Variants in SMYD1 observed in about 807,000 individuals in gnomAD.
SMYD1 encodes the protein SET and MYND domain containing 1.
SMYD1 carries 49 observed loss-of-function variants against 54.0 expected under a neutral mutation model. The ratio of observed to expected loss-of-function variants is 0.91; its 90% CI spans 0.72 to 1.15. SMYD1 has a LOEUF of 1.15. Among genes scored for constraint, SMYD1 ranks in the 50% most tolerant of loss-of-function variants. The pLI is 0.00. For synonymous variants in SMYD1, 269 were observed against 234.2 expected (o/e 1.15, Z -1.36); for missense variants, 653 against 639.6 (o/e 1.02, Z -0.23).
In SMYD1 at chr2:88,110,649, A is replaced by G. The variant is rs2289498; in HGVS notation, c.*137A>G. The G allele has an allele frequency of 0.7, 816,641 of 1,163,390 alleles. 287,878 individuals carry two copies. Among genetic ancestry groups the G allele is most frequent in the African/African-American group, 0.78 (49,577 of 63,640 alleles). 72.1% of individuals were successfully genotyped at this position (1,163,390 alleles called of 1,614,324 possible). A position where few individuals can be genotyped will look rare whatever the true frequency, so the allele number is the denominator to read the frequency against. On this transcript the variant is annotated 3_prime_UTR_variant, in exon 10 of 10. Transcript: ENST00000419482. ...TGTTGCTGTGAGAATTTACTGCCCTATGTTTCCCAGAGCCATTTTGGCTCA... is the reference window on the plus strand; with the variant it reads ...TGTTGCTGTGAGAATTTACTGCCCTGTGTTTCCCAGAGCCATTTTGGCTCA...
At chr2:88,083,697 A>G (rs1247470377) in intron 1 of SMYD1, among the ~76,000 whole-genome samples, 2 of 152,230 alleles carry the variant, frequency 1.3e-5, no homozygotes, top group African/African-American at 2.4e-5. Flanking sequence ...AATTTGTGGT[A>G]TTCCCAGTGC....
At position 88,093,564 on chromosome 2, in the gene SMYD1, G is replaced by A. The variant is rs759599830; in HGVS notation, c.698+9G>A. 2 of 1,614,132 alleles carry A rather than the reference G, an allele frequency of 1.2e-6. No homozygotes were observed. The highest frequency in any genetic ancestry group is 1.7e-6 in the Non-Finnish European group (2 of 1,180,014). On this transcript the variant is annotated intron_variant, in intron 5 of 9. Transcript: ENST00000419482. ...TTTCATACCCAGATGAGGTGGGTCA[G>A]TCCTTTCAAGCATCCCTGCTCCTCT...
At chr2:88,094,251 A>G (rs2103999845) in intron 5 of SMYD1, among the ~76,000 whole-genome samples, 1 of 152,360 alleles carries the variant, frequency 6.6e-6, no homozygotes, top group South Asian at 2.1e-4. Flanking sequence ...GATGATTCAC[A>G]TCATCTCTTG....
At chr2:88,103,648 A>T (rs1298657646) in intron 7 of SMYD1, among the ~76,000 whole-genome samples, 1 of 152,160 alleles carries the variant, frequency 6.6e-6, no homozygotes, top group Admixed American at 6.5e-5. Context: ...CACTCAGGAC[A>T]ATTTCACCAG....
At chr2:88,077,058 C>CCT (rs1674082176) in intron 1 of SMYD1, among the ~76,000 whole-genome samples, 1 of 151,216 alleles carries the variant, frequency 6.6e-6, no homozygotes, top group Admixed American at 6.6e-5. Context: ...TGAGGAGAGA[C>CCT]CTTCTGGCAG....
At chr2:88,107,391 A>G (rs748614379) in intron 8 of SMYD1, among the ~76,000 whole-genome samples, 1 of 152,158 alleles carries the variant, frequency 6.6e-6, no homozygotes, top group Non-Finnish European at 1.5e-5. Flanking sequence ...GAAGCCCTGC[A>G]AAAGGGTGCC....
intron 7 of SMYD1, 62 bp downstream of exon 7, chr2:88,103,212 A>C: frequency 3.4e-6 from 4 of 1,182,124 alleles, no homozygotes; most frequent in Non-Finnish European, 3.6e-6. Flanking sequence ...TTCTCCAGTA[A>C]GGGAGGGAAG....
At chr2:88,094,108 G>T (rs1290775116) in intron 5 of SMYD1, among the ~76,000 whole-genome samples, 1 of 135,142 alleles carries the variant, frequency 7.4e-6, no homozygotes, top group Non-Finnish European at 1.6e-5. Context: ...GTCTTAGGGT[G>T]GGGTTGACAG....
At position 88,110,644 on chromosome 2, in the gene SMYD1, G is replaced by T; in HGVS notation, c.*132G>T. 2.5e-6 allele frequency: 3 copies of T among 1,216,144 alleles called. No individual in the cohort carries two copies. Among genetic ancestry groups the T allele is most frequent in the Non-Finnish European group, 2.2e-6 (2 of 904,418 alleles). 75.3% of individuals were successfully genotyped at this position (1,216,144 alleles called of 1,614,324 possible). A position where few individuals can be genotyped will look rare whatever the true frequency, so the allele number is the denominator to read the frequency against. On this transcript the variant is annotated 3_prime_UTR_variant, in exon 10 of 10. Coordinates refer to ENST00000419482, the MANE Select transcript of SMYD1 (RefSeq NM_198274.4). ...AACATTGTTGCTGTGAGAATTTACT[G>T]CCCTATGTTTCCCAGAGCCATTTTG...
At chr2:88,088,458 G>A (rs982582141) in intron 3 of SMYD1, among the ~76,000 whole-genome samples, 5 of 152,086 alleles carry the variant, frequency 3.3e-5, no homozygotes, top group Admixed American at 6.6e-5. Context: ...GAGTTGGGAG[G>A]GGAGGCCAAG....
At chr2:88,100,270 T>C (rs1674693576) in intron 6 of SMYD1, among the ~76,000 whole-genome samples, 1 of 152,124 alleles carries the variant, frequency 6.6e-6, no homozygotes, top group Non-Finnish European at 1.5e-5. Context: ...TGCCAGGTTG[T>C]TTTGGGGAAT....
At position 88,096,678 on chromosome 2, in the gene SMYD1, A is replaced by T; in HGVS notation, c.782A>T (p.Glu261Val). The T allele has an allele frequency of 6.2e-7, 1 of 1,614,220 alleles. No individual in the cohort carries two copies. The highest frequency in any genetic ancestry group is 8.5e-7 in the Non-Finnish European group (1 of 1,180,042). Reference sequence around the variant, plus strand: ...ATTGACTTCCTCAACGTTAGTGAAGAACGCAAGAGGCAGCTGAAGAAGCAG... The same window carrying T: ...ATTGACTTCCTCAACGTTAGTGAAGTACGCAAGAGGCAGCTGAAGAAGCAG... ...SYIDFLNVSE[E>V]RKRQLKKQYY... The change falls in exon 6 of 10, where the codon GAA becomes GTA. Residue 261 changes from glutamate to valine, a missense_variant. Glu to Val is a moderately radical substitution (Grantham distance 121, BLOSUM62 -2). Coordinates refer to ENST00000419482, the MANE Select transcript of SMYD1 (RefSeq NM_198274.4).
intron 2 of SMYD1, among the ~76,000 whole-genome samples, chr2:88,086,335 T>C (rs1674323247): frequency 6.6e-6 from 1 of 152,190 alleles, no homozygotes; most frequent in Admixed American, 6.5e-5. Context: ...AGGGACAGGA[T>C]CTGTCCTGGA....
At chr2:88,109,677 T>C (rs1217716124) in intron 9 of SMYD1, among the ~76,000 whole-genome samples, 1 of 152,174 alleles carries the variant, frequency 6.6e-6, no homozygotes, top group African/African-American at 2.4e-5. Flanking sequence ...GACATGGATG[T>C]CCTCTTACTA....
intron 1 of SMYD1, among the ~76,000 whole-genome samples, chr2:88,083,757 C>T (rs7591823): frequency 0.075 from 11,478 of 152,196 alleles, 562 homozygotes; most frequent in South Asian, 0.14. Context: ...AATTGAAGGG[C>T]TTATATGCAG....
Position 88,110,727 on chromosome 2 carries a change from C to T in SMYD1, c.*215C>T. 1 of 505,486 alleles carries T rather than the reference C, an allele frequency of 2.0e-6. No homozygotes were observed. Among genetic ancestry groups the T allele is most frequent in the Non-Finnish European group, 3.3e-6 (1 of 300,460 alleles). 31.3% of individuals were successfully genotyped at this position (505,486 alleles called of 1,614,324 possible). A position where few individuals can be genotyped will look rare whatever the true frequency, so the allele number is the denominator to read the frequency against. ...TCTAGCCCAGCCCAGATCAACTCCT[C>T]CTACAAATATTATTGGATGATAGGC... On this transcript the variant is annotated 3_prime_UTR_variant, in exon 10 of 10. Transcript: ENST00000419482.
chr2:88,093,697 A>C, intron 5 of SMYD1, 142 bp downstream of exon 5: 1 of 886,826 alleles, frequency 1.1e-6, no homozygotes, highest in Non-Finnish European at 1.8e-6. Flanking sequence ...TCATCTTTTT[A>C]ATGCATTTAA....
chr2:88,086,044 C>G (rs183610639), intron 2 of SMYD1, among the ~76,000 whole-genome samples: 1 of 152,254 alleles, frequency 6.6e-6, no homozygotes, highest in Admixed American at 6.5e-5. Context: ...TAGGTGGATA[C>G]ATGAAGCTAC....
At chr2:88,070,557 T>C (rs770912973) in intron 1 of SMYD1, among the ~76,000 whole-genome samples, 9 of 151,758 alleles carry the variant, frequency 5.9e-5, no homozygotes, top group Non-Finnish European at 1.3e-4. Flanking sequence ...TTAACTAGAA[T>C]ATTCCAATAT....
Sources: allele counts gnomAD v4.1 joint callset (sites outside exome capture counted in the v4.1 genomes callset), GRCh38; gene constraint gnomAD v4.1.1; transcripts MANE v1.5; gene names NCBI Gene and HGNC (gene_info 2026-07-23, HGNC 2026-07-21).